The following BARD1 variants were observed in gnomAD, a reference collection of about 807,000 sequenced individuals.
BARD1 encodes BRCA1 associated RING domain 1, also known as BRCA1-associated RING domain protein 1.
Under a neutral mutation model 77.0 loss-of-function variants are expected in BARD1, and 73 were observed. The ratio of observed to expected loss-of-function variants is 0.95; its 90% CI spans 0.79 to 1.15. The LOEUF is 1.15. BARD1 is among the 50% of genes most tolerant of loss of function. The probability of loss-of-function intolerance (pLI) is 0.00; values close to 1 mark genes in which losing one functional copy is unlikely to be tolerated. For missense variants in BARD1, 993 were observed against 938.8 expected, an observed-to-expected ratio of 1.06 and a Z score of -0.75; for synonymous variants, 384 against 338.0, an observed-to-expected ratio of 1.14 and a Z score of -1.49.
At chr2:214,800,467 G>A (rs1015640004) in intron 1 of BARD1, among the ~76,000 whole-genome samples, 4 of 152,190 alleles carry the variant, frequency 2.6e-5, no homozygotes, top group Non-Finnish European at 5.9e-5. Context: ...GAGCCCAAGA[G>A]TTCAGGGCTA....
At chr2:214,746,482 A>T (rs1341414954) in intron 7 of BARD1, among the ~76,000 whole-genome samples, 1 of 152,184 alleles carries the variant, frequency 6.6e-6, no homozygotes, top group African/African-American at 2.4e-5. Context: ...TTCACTTTAA[A>T]ATCTAGACTT....
chr2:214,756,518 T>C (rs539242312), intron 6 of BARD1, among the ~76,000 whole-genome samples: 41 of 152,320 alleles, frequency 2.7e-4, no homozygotes, highest in African/African-American at 9.6e-4. Context: ...ATGAAAAAGA[T>C]ACATGCACAT....
chr2:214,800,597 A>G (rs1434788240), intron 1 of BARD1, among the ~76,000 whole-genome samples: 3 of 152,226 alleles, frequency 2.0e-5, no homozygotes, highest in African/African-American at 7.2e-5. Flanking sequence ...GATACCTATC[A>G]AGAATATAAA....
At chr2:214,800,324 T>C (rs1189075366) in intron 1 of BARD1, among the ~76,000 whole-genome samples, 2 of 152,300 alleles carry the variant, frequency 1.3e-5, no homozygotes, top group South Asian at 2.1e-4. Flanking sequence ...GAGAAGTATG[T>C]GCACTTGTGT....
At chr2:214,731,672 C>T (rs752280846) in intron 9 of BARD1, among the ~76,000 whole-genome samples, 1 of 152,182 alleles carries the variant, frequency 6.6e-6, no homozygotes, top group African/African-American at 2.4e-5. Flanking sequence ...ACAAACCCTC[C>T]ATACAATTTC....
chr2:214,799,439 C>A (rs1362557294), intron 1 of BARD1, among the ~76,000 whole-genome samples: 1 of 152,182 alleles, frequency 6.6e-6, no homozygotes, highest in Non-Finnish European at 1.5e-5. Flanking sequence ...AAAACAATCT[C>A]TATGCTTCCT....
chr2:214,749,228 G>C (rs1321302113), intron 7 of BARD1, among the ~76,000 whole-genome samples: 1 of 151,628 alleles, frequency 6.6e-6, no homozygotes, highest in Non-Finnish European at 1.5e-5. Context: ...CACCTGAAAT[G>C]AGAGTATGTT....
At chr2:214,788,333 A>G (rs563771519) in intron 3 of BARD1, among the ~76,000 whole-genome samples, 1 of 152,196 alleles carries the variant, frequency 6.6e-6, no homozygotes, top group African/African-American at 2.4e-5. Flanking sequence ...GTTATAAAGG[A>G]TAAGGTAAAA....
intron 3 of BARD1, among the ~76,000 whole-genome samples, 173 bp downstream of exon 3, chr2:214,792,124 C>T (rs1407767090): frequency 8.0e-6 from 1 of 125,764 alleles, no homozygotes; most frequent in East Asian, 2.3e-4. Context: ...CCGGCTTGGA[C>T]AACATAGAGA....
Position 214,769,238 on chromosome 2 carries a change from T to A in BARD1, c.1389A>T (p.Thr463=). 1.2e-6 allele frequency: 2 copies of A among 1,611,100 alleles called. No individual in the cohort carries two copies. Among genetic ancestry groups the A allele is most frequent in the Non-Finnish European group, 1.7e-6 (2 of 1,177,264 alleles). The change falls in exon 5 of 11, where the codon ACA becomes ACT. Residue 463 remains threonine (T), a synonymous_variant. Coordinates refer to ENST00000260947, the MANE Select transcript of BARD1 (RefSeq NM_000465.4). ...DPNVKDHAGW[T]PLHEACNHGH... ...ATAAAAACCAGACAACTACCAATGG[T>A]GTCCATCCAGCATGGTCTTTAACAT...
intron 4 of BARD1, among the ~76,000 whole-genome samples, chr2:214,770,070 T>C (rs1694407737): frequency 6.6e-6 from 1 of 152,226 alleles, no homozygotes; most frequent in African/African-American, 2.4e-5. Flanking sequence ...TATTGGCAGT[T>C]ACTCCATCCT....
chr2:214,753,008 T>C (rs1035995058), intron 6 of BARD1, among the ~76,000 whole-genome samples: 2 of 152,174 alleles, frequency 1.3e-5, no homozygotes, highest in African/African-American at 4.8e-5. Flanking sequence ...TTTAATAATA[T>C]AGTTAACAGG....
chr2:214,795,220 G>A (rs1316625554), intron 2 of BARD1, among the ~76,000 whole-genome samples: 1 of 152,124 alleles, frequency 6.6e-6, no homozygotes, highest in Non-Finnish European at 1.5e-5. Flanking sequence ...CATTTCAGCT[G>A]ATATATAACT....
At chr2:214,752,095 A>G (rs1693481772) in intron 7 of BARD1, among the ~76,000 whole-genome samples, 1 of 151,932 alleles carries the variant, frequency 6.6e-6, no homozygotes, top group African/African-American at 2.4e-5. Context: ...TCTTCGAAAC[A>G]CTCATGTCTA....
chr2:214,729,966 C>T (rs867386639), intron 10 of BARD1, among the ~76,000 whole-genome samples: 2 of 152,070 alleles, frequency 1.3e-5, no homozygotes, highest in Middle Eastern at 3.4e-3. Context: ...TCCGTATGCT[C>T]GTTGGAAATA....
chr2:214,726,419 C>T lies in BARD1; in HGVS notation c.*2257G>A, dbSNP rs1222772071. 1 of 208,958 alleles carries T rather than the reference C, an allele frequency of 4.8e-6. No homozygotes were observed. The highest frequency in any genetic ancestry group is 9.7e-6 in the Non-Finnish European group (1 of 102,856). The allele number at this position is 208,958 out of a possible 1,614,324, so 12.9% of individuals were successfully genotyped here. A position where few individuals can be genotyped will look rare whatever the true frequency, so the allele number is the denominator to read the frequency against. On this transcript the variant is annotated 3_prime_UTR_variant, in exon 11 of 11. Transcript: ENST00000260947. The stretch of plus-strand genomic sequence containing the variant: ...TCAGTGTGTAATTGTTTCTTAATGA[C>T]TATTCCAAACTATCAAAGTTATACT...
In BARD1 at chr2:214,752,487, G is replaced by A; in HGVS notation, c.1637C>T (p.Pro546Leu). Reference sequence around the variant, plus strand: ...AGCTGAGGATGATTCATTCTTCTCTGGTAGCAGCAATAGCGATTTCATACT... The same window carrying A: ...AGCTGAGGATGATTCATTCTTCTCTAGTAGCAGCAATAGCGATTTCATACT... The part of the protein sequence containing the change: ...DESMKSLLLL[P>L]EKNESSSASH... Residue 546 changes from proline (P) to leucine (L), a missense_variant, in exon 7 of 11, where the codon CCA (proline) becomes CTA (leucine). Physicochemically the swap from Pro to Leu is moderately conservative, Grantham distance 98. Coordinates refer to ENST00000260947, the MANE Select transcript of BARD1 (RefSeq NM_000465.4). The A allele has an allele frequency of 1.2e-6, 2 of 1,613,662 alleles. No homozygotes were observed. Among genetic ancestry groups the A allele is most frequent in the Non-Finnish European group, 8.5e-7 (1 of 1,179,714 alleles).
rs762894716 is a variant in BARD1 at position 214,809,446 on chromosome 2, C to A, written c.124G>T (p.Asp42Tyr). The change falls in exon 1 of 11, where the codon GAC becomes TAC. Residue 42 changes from aspartate (D) to tyrosine (Y), a missense_variant. By Grantham distance (160) the Asp-to-Tyr change is radical. Coordinates refer to ENST00000260947, the MANE Select transcript of BARD1 (RefSeq NM_000465.4). ...CAGCGCAGCAGCTTCTCCAGGCGGT[C>A]GAGCGCGGCGCGACTGTGGGCCCAG... ...GAWAHSRAAL[D>Y]RLEKLLRCSR... 2 of 1,611,780 alleles carry A rather than the reference C, an allele frequency of 1.2e-6. No homozygotes were observed. Among genetic ancestry groups the A allele is most frequent in the Admixed American group, 1.7e-5 (1 of 59,958 alleles).
At chr2:214,792,219 T>C (rs1200275873) in intron 3 of BARD1, 78 bp downstream of exon 3, 7 of 1,377,890 alleles carry the variant, frequency 5.1e-6, no homozygotes, top group Non-Finnish European at 6.0e-6. Context: ...CAGATAGATG[T>C]TTTATATACT....
Sources: gnomAD v4.1 joint callset for allele counts (sites outside exome capture counted in the v4.1 genomes callset) on GRCh38, gnomAD v4.1.1 for gene constraint, MANE v1.5 for transcripts, NCBI Gene and HGNC (gene_info 2026-07-23, HGNC 2026-07-21) for gene names.